The following FGD4 variants were observed in gnomAD, a reference collection of about 807,000 sequenced individuals.
The protein encoded by FGD4 is FYVE, RhoGEF and PH domain-containing protein 4.
A neutral mutation model predicts 102.0 loss-of-function variants in FGD4; 42 were observed. That is an observed-to-expected ratio of 0.41 (90% CI 0.32 to 0.53). FGD4 has a LOEUF of 0.53. Ranked by LOEUF, FGD4 falls within the 20% of genes least tolerant of loss-of-function variation. The pLI is 0.21. For synonymous variants in FGD4, 380 were observed against 375.7 expected (o/e 1.01, Z -0.13); for missense variants, 902 against 1,078.2 (o/e 0.84, Z 2.29).
chr12:32,459,105 G>A lies in FGD4; in HGVS notation c.166+59146G>A, dbSNP rs530447650. Reference sequence around the variant, plus strand: ...ACTTATTAGAATTAATAATTTTGAAGTATTTAGACAGCAGGAAGAGTTGGG... The same window carrying A: ...ACTTATTAGAATTAATAATTTTGAAATATTTAGACAGCAGGAAGAGTTGGG... On this transcript the variant is annotated intron_variant, in intron 1 of 16. Transcript: ENST00000534526. Among the ~76,000 whole-genome samples, 6 of 150,594 alleles carry A rather than the reference G, an allele frequency of 4.0e-5. No homozygotes were observed. The South Asian group carries it at 1.3e-3, about 32-fold the overall frequency.
intron 5 of FGD4, 70 bp from the exon 6 acceptor site, chr12:32,601,208 T>G: frequency 6.7e-7 from 1 of 1,501,106 alleles, no homozygotes; most frequent in East Asian, 2.3e-5. Flanking sequence ...GAGCCCACTA[T>G]GTGCCTAGCA....
At chr12:32,529,265 C>G (rs149183189) in intron 1 of FGD4, among the ~76,000 whole-genome samples, 313 of 152,018 alleles carry the variant, frequency 2.1e-3, no homozygotes, top group Middle Eastern at 3.4e-3. Flanking sequence ...CAGGCGTGCA[C>G]CACCACGCGC....
chr12:32,562,666 G>A (rs953931833), intron 1 of FGD4, among the ~76,000 whole-genome samples: 3 of 152,148 alleles, frequency 2.0e-5, no homozygotes, highest in Non-Finnish European at 2.9e-5. Context: ...ATCCTGCACC[G>A]CCCTTAATCC....
intron 4 of FGD4, among the ~76,000 whole-genome samples, chr12:32,591,711 T>C (rs181811924): frequency 5.1e-4 from 77 of 152,324 alleles, no homozygotes; most frequent in African/African-American, 1.8e-3. Context: ...CCAAAAGGTC[T>C]GAACAGAGCT....
chr12:32,454,158 A>G (rs1462890984), intron 1 of FGD4, among the ~76,000 whole-genome samples: 2 of 152,210 alleles, frequency 1.3e-5, no homozygotes, highest in Non-Finnish European at 2.9e-5. Context: ...TGATAACGAG[A>G]CATGAGAGAC....
intron 4 of FGD4, among the ~76,000 whole-genome samples, chr12:32,583,158 G>A (rs1325206416): frequency 6.6e-6 from 1 of 152,122 alleles, no homozygotes; most frequent in Non-Finnish European, 1.5e-5. Context: ...GCAACATGGT[G>A]AGAGCCCATA....
chr12:32,486,359 A>G (rs1565770749), intron 1 of FGD4, among the ~76,000 whole-genome samples: 1 of 152,158 alleles, frequency 6.6e-6, no homozygotes, highest in African/African-American at 2.4e-5. Flanking sequence ...GCTTTTTCTT[A>G]TCTTCATGAT....
chr12:32,443,555 T>C (rs1213835223), intron 1 of FGD4, among the ~76,000 whole-genome samples: 2 of 150,190 alleles, frequency 1.3e-5, no homozygotes, highest in East Asian at 3.9e-4. Flanking sequence ...TTTTTTTTTT[T>C]TGAGGCAGGG....
At chr12:32,433,106 C>T (rs1942110518) in intron 1 of FGD4, among the ~76,000 whole-genome samples, 1 of 151,968 alleles carries the variant, frequency 6.6e-6, no homozygotes. Context: ...AAGCAATTCT[C>T]ATGCCTCAGC....
intron 7 of FGD4, 148 bp downstream of exon 7, chr12:32,602,465 A>ACGC: frequency 2.3e-6 from 2 of 866,736 alleles, no homozygotes; most frequent in Admixed American, 4.3e-5. Context: ...CATCTCTGCA[A>ACGC]TGCTGAAATA....
intron 2 of FGD4, among the ~76,000 whole-genome samples, chr12:32,573,320 C>T (rs1214880896): frequency 6.6e-6 from 1 of 152,060 alleles, no homozygotes; most frequent in African/African-American, 2.4e-5. Context: ...TGGTCTCGAT[C>T]TCCTGACCTC....
At chr12:32,485,367 C>G (rs552940615) in intron 1 of FGD4, among the ~76,000 whole-genome samples, 1 of 151,656 alleles carries the variant, frequency 6.6e-6, no homozygotes, top group East Asian at 1.9e-4. Context: ...CACTATTCAG[C>G]ATTGCTTGCA....
chr12:32,446,295 G>A (rs1942612831), intron 1 of FGD4, among the ~76,000 whole-genome samples: 2 of 152,096 alleles, frequency 1.3e-5, no homozygotes, highest in Non-Finnish European at 2.9e-5. Flanking sequence ...TTCATGGCTG[G>A]TGCACTGCTA....
At chr12:32,559,632 C>T (rs1944382942) in intron 1 of FGD4, among the ~76,000 whole-genome samples, 1 of 152,144 alleles carries the variant, frequency 6.6e-6, no homozygotes, top group Non-Finnish European at 1.5e-5. Flanking sequence ...CACAGTTGAT[C>T]TCTTATTGCA....
At chr12:32,516,344 C>T (rs1010342656) in intron 1 of FGD4, among the ~76,000 whole-genome samples, 56 of 151,896 alleles carry the variant, frequency 3.7e-4, no homozygotes, top group African/African-American at 1.4e-3. Context: ...GAGTTCCACT[C>T]TGTTGCCCAG....
intron 4 of FGD4, among the ~76,000 whole-genome samples, chr12:32,585,557 C>T (rs1222528240): frequency 6.6e-6 from 1 of 151,696 alleles, no homozygotes; most frequent in African/African-American, 2.4e-5. Flanking sequence ...ATGACTGGGC[C>T]AGGTGCAGTG....
At position 32,611,143 on chromosome 12, in the gene FGD4, C is replaced by T. The variant is rs750265200; in HGVS notation, c.1609C>T (p.Leu537=). The change falls in exon 10 of 17, where the codon CTA becomes TTA. Residue 537 remains leucine (L), a synonymous_variant. Coordinates refer to ENST00000534526, the MANE Select transcript of FGD4 (RefSeq NM_001370298.3). ...TGCTGTTTTAATTTCCTAGGAGAAC[C>T]TAAAGAAACTCTTAGAGATTTATGA... ...SNSAIRKMEN[L]KKLLEIYEML... 8.1e-6 allele frequency: 13 copies of T among 1,613,878 alleles called. No homozygotes were observed. In the South Asian group the frequency reaches 1.2e-4, roughly 15 times the overall value.
At chr12:32,517,419 G>A (rs1940008722) in intron 1 of FGD4, among the ~76,000 whole-genome samples, 1 of 152,114 alleles carries the variant, frequency 6.6e-6, no homozygotes, top group East Asian at 1.9e-4. Context: ...AAAAAATTGT[G>A]TCTTTATTAT....
chr12:32,414,064 T>TG (rs1941310085), intron 1 of FGD4, among the ~76,000 whole-genome samples: 1 of 150,504 alleles, frequency 6.6e-6, no homozygotes, highest in Admixed American at 6.7e-5. Context: ...CTCCACTTCC[T>TG]GGGTTCAAGG....
Sources: allele counts gnomAD v4.1 joint callset (sites outside exome capture counted in the v4.1 genomes callset), GRCh38; gene constraint gnomAD v4.1.1; transcripts MANE v1.5; gene names NCBI Gene and HGNC (gene_info 2026-07-23, HGNC 2026-07-21).